SMURF1: variants seen among roughly 807,000 people sequenced by gnomAD.
SMURF1 encodes the protein E3 ubiquitin-protein ligase SMURF1.
In SMURF1, 44 loss-of-function variants were observed where a neutral mutation model predicts 98.0. That is an observed-to-expected ratio of 0.45 (90% CI 0.35 to 0.58). SMURF1 has a LOEUF of 0.58. Among genes scored for constraint, SMURF1 ranks in the 20% least tolerant of loss-of-function variants. SMURF1 has a pLI of 0.00. For synonymous variants in SMURF1, 396 were observed against 374.9 expected (o/e 1.06, Z -0.65); for missense variants, 687 against 938.4 (o/e 0.73, Z 3.50).
At chr7:99,042,269 T>C in intron 11 of SMURF1, 37 bp from the exon 12 acceptor site, 1 of 1,323,786 alleles carries the variant, frequency 7.6e-7, no homozygotes, top group Non-Finnish European at 1.1e-6. Flanking sequence ...TGAGACGCGC[T>C]AAAATTTCTA....
chr7:99,083,564 CT>C (rs1796614531), intron 1 of SMURF1, among the ~76,000 whole-genome samples: 1 of 152,246 alleles, frequency 6.6e-6, no homozygotes, highest in African/African-American at 2.4e-5. Context: ...AACAAACCAA[CT>C]ACAATCTTGG....
chr7:99,049,371 AGGGCTTC>A, intron 9 of SMURF1, 185 bp downstream of exon 9: 1 of 600,884 alleles, frequency 1.7e-6, no homozygotes, highest in South Asian at 2.1e-5. Context: ...GCAACAACAT[AGGGCTTC>A]AGTGCTCTTC....
intron 1 of SMURF1, among the ~76,000 whole-genome samples, chr7:99,082,471 T>C (rs1796593888): frequency 6.6e-6 from 1 of 152,244 alleles, no homozygotes; most frequent in Non-Finnish European, 1.5e-5. Context: ...GAAAAGACTA[T>C]TATTTCCCCT....
At chr7:99,055,889 G>A (rs903213873) in intron 5 of SMURF1, among the ~76,000 whole-genome samples, 4 of 151,924 alleles carry the variant, frequency 2.6e-5, no homozygotes, top group African/African-American at 9.7e-5. Flanking sequence ...TCGCTTAAAC[G>A]CGGGAGGCGG....
At chr7:99,087,097 C>T (rs1483400100) in intron 1 of SMURF1, among the ~76,000 whole-genome samples, 2 of 152,046 alleles carry the variant, frequency 1.3e-5, no homozygotes, top group African/African-American at 2.4e-5. Flanking sequence ...GTACTGGGTG[C>T]AGTGGCTCAT....
intron 1 of SMURF1, among the ~76,000 whole-genome samples, chr7:99,115,884 A>C (rs1368230986): frequency 6.6e-6 from 1 of 151,806 alleles, no homozygotes; most frequent in South Asian, 2.1e-4. Context: ...TTTTTTTTTA[A>C]ATTAACAAAA....
rs780489112 is a variant in SMURF1 at position 99,094,201 on chromosome 7, A to G, written c.56-32364T>C. Among the ~76,000 whole-genome samples the G allele has an allele frequency of 7.8e-4, 119 of 152,346 alleles. 1 individual carries two copies. Among genetic ancestry groups the G allele is most frequent in the Non-Finnish European group, 1.3e-3 (91 of 68,026 alleles). On this transcript the variant is annotated intron_variant, in intron 1 of 17. Coordinates refer to ENST00000361368, the MANE Select transcript of SMURF1 (RefSeq NM_181349.3). ...ATAAACAACCTCTTCTGTAAGAAAG[A>G]AAAGTCAACAAGAACAACGAATAGC... is the stretch of plus-strand genomic sequence containing the variant.
At chr7:99,057,151 G>A in intron 5 of SMURF1, 54 bp downstream of exon 5, 1 of 1,594,836 alleles carries the variant, frequency 6.3e-7, no homozygotes, top group African/African-American at 1.3e-5. Flanking sequence ...GCGATGAAGG[G>A]TTGAATGTAA....
intron 1 of SMURF1, among the ~76,000 whole-genome samples, chr7:99,103,997 AT>A (rs1797143677): frequency 6.6e-6 from 1 of 151,946 alleles, no homozygotes; most frequent in Non-Finnish European, 1.5e-5. Context: ...GGTTCAAGCA[AT>A]TCTCGTGCCT....
intron 11 of SMURF1, 113 bp from the exon 12 acceptor site, chr7:99,042,345 T>A: frequency 1.5e-6 from 1 of 668,672 alleles, no homozygotes; most frequent in Non-Finnish European, 2.5e-6. Flanking sequence ...AGTGGCATGA[T>A]CTTGGCTCAC....
intron 1 of SMURF1, among the ~76,000 whole-genome samples, chr7:99,118,758 T>C (rs1475346270): frequency 6.6e-6 from 1 of 152,168 alleles, no homozygotes; most frequent in Non-Finnish European, 1.5e-5. Context: ...AGCCACTTAA[T>C]TATACACGTA....
rs767408020 is a variant in SMURF1, at chr7:99,045,756, T to C, written c.1198A>G (p.Lys400Glu). The C allele has an allele frequency of 1.4e-5, 22 of 1,614,112 alleles. No individual in the cohort carries two copies. ...IMKMRPKDLK[K>E]RLMVKFRGEE... Reference sequence around the variant, plus strand: ...CCACGGAATTTCACCATCAGCCGTTTTTTCAAGTCTTTCGGTCGCATCTTC... The same window carrying C: ...CCACGGAATTTCACCATCAGCCGTTCTTTCAAGTCTTTCGGTCGCATCTTC... The change falls in exon 11 of 18, where the codon AAA becomes GAA. Residue 400 changes from lysine to glutamate, a missense_variant. Physicochemically the swap from Lys to Glu is moderately conservative, Grantham distance 56. Coordinates refer to ENST00000361368, the MANE Select transcript of SMURF1 (RefSeq NM_181349.3).
chr7:99,116,082 A>T lies in SMURF1; in HGVS notation c.55+27644T>A, dbSNP rs561046311. On this transcript the variant is annotated intron_variant, in intron 1 of 17. Coordinates refer to ENST00000361368, the MANE Select transcript of SMURF1 (RefSeq NM_181349.3). ...TAACATAGAGCATATTAAAAGGATT[A>T]TACACCATGATCAAGGGATTTATCC... is the stretch of plus-strand genomic sequence containing the variant. Among the ~76,000 whole-genome samples, 20 of 152,354 alleles carry T rather than the reference A, an allele frequency of 1.3e-4. No homozygotes were observed. The South Asian group carries it at 4.1e-3, about 32-fold the overall frequency.
intron 1 of SMURF1, among the ~76,000 whole-genome samples, chr7:99,140,959 G>C (rs1051567581): frequency 2.6e-5 from 4 of 152,138 alleles, no homozygotes; most frequent in African/African-American, 9.7e-5. Flanking sequence ...CAAACTTCTA[G>C]TTCAAACCTT....
intron 1 of SMURF1, among the ~76,000 whole-genome samples, chr7:99,135,021 C>T (rs1402661136): frequency 6.6e-6 from 1 of 152,148 alleles, no homozygotes; most frequent in Admixed American, 6.5e-5. Flanking sequence ...GAATTTTATT[C>T]TGTAGAACCC....
intron 1 of SMURF1, among the ~76,000 whole-genome samples, chr7:99,075,659 G>T (rs1796437510): frequency 6.6e-6 from 1 of 151,860 alleles, no homozygotes; most frequent in South Asian, 2.1e-4. Flanking sequence ...CACACATTAG[G>T]TGTCATCAGT....
chr7:99,092,931 T>G (rs1303409360), intron 1 of SMURF1, among the ~76,000 whole-genome samples: 1 of 152,152 alleles, frequency 6.6e-6, no homozygotes, highest in Non-Finnish European at 1.5e-5. Flanking sequence ...TTCGCAGCAA[T>G]TTTATAGAAC....
chr7:99,065,517 C>T (rs1282160035), intron 1 of SMURF1, among the ~76,000 whole-genome samples: 2 of 152,122 alleles, frequency 1.3e-5, no homozygotes, highest in Non-Finnish European at 1.5e-5. Flanking sequence ...TGGATATAGA[C>T]GAGCTATTAG....
intron 17 of SMURF1, 58 bp from the exon 18 acceptor site, chr7:99,030,741 A>C: frequency 2.2e-6 from 3 of 1,392,748 alleles, no homozygotes; most frequent in Non-Finnish European, 3.0e-6. Flanking sequence ...GACCAACCTC[A>C]AGGCCAAGGA....
Sources: allele counts gnomAD v4.1 joint callset (sites outside exome capture counted in the v4.1 genomes callset), GRCh38; gene constraint gnomAD v4.1.1; transcripts MANE v1.5; gene names NCBI Gene and HGNC (gene_info 2026-07-23, HGNC 2026-07-21).